Variants in CDH6 observed in about 807,000 individuals in gnomAD.
CDH6 encodes cadherin 6, also known as cadherin-6.
Under a neutral mutation model 78.0 loss-of-function variants are expected in CDH6, and 31 were observed. The observed-to-expected ratio is 0.40, with a 90% CI of 0.30 to 0.54. The LOEUF (loss-of-function observed/expected upper bound fraction) is 0.54, where lower values mean the gene tolerates loss of function less well. Ranked by LOEUF, CDH6 falls within the 20% of genes least tolerant of loss-of-function variation. CDH6 has a pLI of 0.56. For missense variants in CDH6, 724 were observed against 975.9 expected (o/e 0.74, Z 3.44); for synonymous variants, 376 against 368.8 (o/e 1.02, Z -0.23).
rs778129563 is a variant in CDH6, at chr5:31,317,709, A to G, written c.1667A>G (p.Tyr556Cys). The G allele has an allele frequency of 1.2e-6, 2 of 1,613,820 alleles. No individual in the cohort carries two copies. The highest frequency in any genetic ancestry group is 1.1e-5 in the South Asian group (1 of 91,082). Residue 556 changes from tyrosine to cysteine, a missense_variant, in exon 11 of 12, where the codon TAT becomes TGT. Tyr to Cys is a radical substitution (Grantham distance 194, BLOSUM62 -2). Around this residue, in one of 3 missense-constraint regions of CDH6, gnomAD observed 446 missense variants for 684.5 expected, o/e 0.65. Transcript: ENST00000265071. ...GGAATCTTAACTCGGAAAAATGGCT[A>G]TAATAGACACGAGATGAGCACCTAT... ...TAGILTRKNGYNRHEMSTYLL... is the reference protein window; with the variant it reads ...TAGILTRKNGCNRHEMSTYLL...
chr5:31,207,587 G>A (rs1283181833), intron 1 of CDH6, among the ~76,000 whole-genome samples: 1 of 152,182 alleles, frequency 6.6e-6, no homozygotes, highest in African/African-American at 2.4e-5. Flanking sequence ...CTATCACACT[G>A]TAAACATCTG....
chr5:31,308,154 A>C (rs2909566), intron 7 of CDH6, among the ~76,000 whole-genome samples: 135,819 of 152,066 alleles, frequency 0.89, 61,768 homozygotes, highest in East Asian at 0.99. Flanking sequence ...ATGGTAGGTG[A>C]AAAATTAACA....
At chr5:31,301,945 C>T (rs540809370) in intron 5 of CDH6, among the ~76,000 whole-genome samples, 166 bp from the exon 6 acceptor site, 98 of 152,110 alleles carry the variant, frequency 6.4e-4, no homozygotes, top group Non-Finnish European at 1.1e-3. Context: ...TTAACAACCA[C>T]GAAAGTAGAC....
intron 2 of CDH6, among the ~76,000 whole-genome samples, chr5:31,284,431 C>G (rs1742958091): frequency 6.6e-6 from 1 of 152,242 alleles, no homozygotes; most frequent in African/African-American, 2.4e-5. Flanking sequence ...CAGGGTGGAA[C>G]AGTGGCAAGG....
intron 1 of CDH6, among the ~76,000 whole-genome samples, chr5:31,260,287 C>T (rs1303701941): frequency 6.6e-6 from 1 of 152,140 alleles, no homozygotes; most frequent in African/African-American, 2.4e-5. Flanking sequence ...AATTGGTCCC[C>T]TCTTTGTCCA....
chr5:31,316,068 A>G (rs1738316257), intron 8 of CDH6, 140 bp from the exon 9 acceptor site: 3 of 825,130 alleles, frequency 3.6e-6, no homozygotes, highest in South Asian at 2.2e-5. Context: ...TTGTGACCAC[A>G]CTGGTACTTA....
intron 3 of CDH6, among the ~76,000 whole-genome samples, chr5:31,296,512 A>G (rs935224209): frequency 7.9e-5 from 12 of 152,116 alleles, no homozygotes; most frequent in African/African-American, 2.9e-4. Context: ...CAGATTCCAG[A>G]TGTTTGTGCT....
chr5:31,328,619 C>T lies in CDH6; in HGVS notation c.*5311C>T. The T allele has an allele frequency of 4.9e-6, 1 of 205,882 alleles. No individual in the cohort carries two copies. The highest frequency in any genetic ancestry group is 9.9e-6 in the Non-Finnish European group (1 of 100,762). 12.8% of individuals were successfully genotyped at this position (205,882 alleles called of 1,614,324 possible). ...GTAGTTCCAAGCTAAAGCAATTTGG[C>T]ATTCTCCCACTGTGATTTGTGACTT... On this transcript the variant is annotated 3_prime_UTR_variant, in exon 12 of 12. Coordinates refer to ENST00000265071, the MANE Select transcript of CDH6 (RefSeq NM_004932.4).
chr5:31,287,790 G>T (rs1450060655), intron 2 of CDH6, among the ~76,000 whole-genome samples: 1 of 152,230 alleles, frequency 6.6e-6, no homozygotes, highest in Non-Finnish European at 1.5e-5. Flanking sequence ...GGTGGGGCCA[G>T]AAATTTGCAT....
chr5:31,299,286 CT>C (rs1737691824), intron 4 of CDH6, among the ~76,000 whole-genome samples, 177 bp from the exon 5 acceptor site: 1 of 151,958 alleles, frequency 6.6e-6, no homozygotes, highest in Non-Finnish European at 1.5e-5. Context: ...TCTATCTCCC[CT>C]GTGTGGTTGT....
intron 1 of CDH6, among the ~76,000 whole-genome samples, chr5:31,218,539 C>G (rs1197545930): frequency 2.6e-5 from 4 of 152,164 alleles, no homozygotes; most frequent in Non-Finnish European, 5.9e-5. Flanking sequence ...CTATCTTCCC[C>G]CATTCTACCC....
At position 31,292,852 on chromosome 5, in the gene CDH6, C is replaced by CATATATAT. The variant is rs140377309; in HGVS notation, c.229-1095_229-1088dup. On this transcript the variant is annotated intron_variant, in intron 2 of 11. Transcript: ENST00000265071. ...ATATATATATATATATATATGTGTG[C>CATATATAT]ATATATATATATATATATATATGTA... Among the ~76,000 whole-genome samples, 73 of 8,784 alleles carry CATATATAT rather than the reference C, an allele frequency of 8.3e-3. 1 individual carries two copies. The highest frequency in any genetic ancestry group is 0.013 in the African/African-American group (69 of 5,488). 5.8% of individuals were successfully genotyped at this position (8,784 alleles called of 152,430 possible).
intron 1 of CDH6, among the ~76,000 whole-genome samples, chr5:31,213,012 A>G (rs1417044084): frequency 6.6e-6 from 1 of 152,178 alleles, no homozygotes; most frequent in Non-Finnish European, 1.5e-5. Context: ...ACTATGCACT[A>G]ATTACAGAAG....
chr5:31,229,181 C>T (rs747908176), intron 1 of CDH6, among the ~76,000 whole-genome samples: 3 of 152,146 alleles, frequency 2.0e-5, no homozygotes, highest in Non-Finnish European at 4.4e-5. Flanking sequence ...AACCTGAGTC[C>T]GATCAAGGTG....
At chr5:31,306,295 A>G (rs80295095) in intron 7 of CDH6, among the ~76,000 whole-genome samples, 3,798 of 152,320 alleles carry the variant, frequency 0.025, 170 homozygotes, top group African/African-American at 0.087. Flanking sequence ...GTCCAAATGT[A>G]TGCTACGTAA....
chr5:31,244,833 A>G (rs1741699250), intron 1 of CDH6, among the ~76,000 whole-genome samples: 1 of 152,136 alleles, frequency 6.6e-6, no homozygotes, highest in Admixed American at 6.5e-5. Context: ...ACTATAGGAG[A>G]AGAGGGTCCA....
rs183073028 is a variant in CDH6, at chr5:31,232,781, A to C, written c.-128-34565A>C. 2.1e-4 allele frequency among the ~76,000 whole-genome samples: 32 copies of C among 152,328 alleles called. No homozygotes were observed. In the East Asian group the frequency reaches 2.3e-3, roughly 11 times the overall value. On this transcript the variant is annotated intron_variant, in intron 1 of 11. Coordinates refer to ENST00000265071, the MANE Select transcript of CDH6 (RefSeq NM_004932.4). ...TGGATAAAATGTTATCTGTTGAGGA[A>C]ATTATAAATGCAACACTTATATGGC...
chr5:31,196,153 C>T (rs1421093269), intron 1 of CDH6, among the ~76,000 whole-genome samples: 2 of 152,204 alleles, frequency 1.3e-5, no homozygotes, highest in African/African-American at 4.8e-5. Flanking sequence ...CCTACCTCTT[C>T]CACCCACCAC....
intron 1 of CDH6, among the ~76,000 whole-genome samples, chr5:31,194,892 G>C (rs945571215): frequency 6.6e-6 from 1 of 152,090 alleles, no homozygotes; most frequent in East Asian, 1.9e-4. Context: ...CGAGATGGGA[G>C]ATGCTGGAGA....
Sources: allele counts gnomAD v4.1 joint callset (sites outside exome capture counted in the v4.1 genomes callset), GRCh38; gene constraint gnomAD v4.1.1; regional missense constraint gnomAD v4.1.1; transcripts MANE v1.5; gene names NCBI Gene and HGNC (gene_info 2026-07-23, HGNC 2026-07-21).